The following SCRG1 variants were observed in gnomAD, a reference collection of about 807,000 sequenced individuals.
The protein encoded by SCRG1 is scrapie-responsive protein 1.
In SCRG1, 3 loss-of-function variants were observed where a neutral mutation model predicts 7.7. That is an observed-to-expected ratio of 0.39 (90% CI 0.18 to 1.01). SCRG1 has a LOEUF of 1.01. SCRG1 is among the 50% of genes least tolerant of loss of function. The pLI is 0.36. For missense variants in SCRG1, 110 were observed against 117.2 expected (o/e 0.94, Z 0.28); for synonymous variants, 46 against 41.2 (o/e 1.12, Z -0.44).
chr4:173,453,450 T>A, the SCRG1 span, among the ~76,000 whole-genome samples: 1 of 152,174 alleles, frequency 6.6e-6, no homozygotes, highest in East Asian at 1.9e-4. Flanking sequence ...GCGAACATCA[T>A]AGAATGTACT....
chr4:173,494,733 G>T, the SCRG1 span, among the ~76,000 whole-genome samples: 2 of 152,248 alleles, frequency 1.3e-5, no homozygotes, highest in African/African-American at 4.8e-5. Flanking sequence ...GCGAAGAGAC[G>T]CAATTACCCT....
chr4:173,404,809 AT>A (rs1201132914), intron 1 of SCRG1, among the ~76,000 whole-genome samples: 1 of 152,102 alleles, frequency 6.6e-6, no homozygotes, highest in East Asian at 1.9e-4. Flanking sequence ...GGTTTAATTG[AT>A]TGTTTTTATT....
At chr4:173,402,183 C>G (rs369150197), upstream of SCRG1, among the ~76,000 whole-genome samples, 6 of 152,162 alleles carry the variant, frequency 3.9e-5, no homozygotes, top group East Asian at 9.7e-4. Flanking sequence ...GTAAAACCAT[C>G]CAAATGTAAT....
the SCRG1 span, among the ~76,000 whole-genome samples, chr4:173,457,219 A>G: frequency 1.3e-5 from 2 of 152,230 alleles, no homozygotes; most frequent in Non-Finnish European, 1.5e-5. Flanking sequence ...AAGCACGGTC[A>G]TGCCCTGCAC....
the SCRG1 span, among the ~76,000 whole-genome samples, chr4:173,517,480 A>G: frequency 6.7e-6 from 1 of 148,938 alleles, no homozygotes; most frequent in South Asian, 2.1e-4. Context: ...AGTAACTGCT[A>G]TTTTTTTTTT....
rs1433767379 is a variant in SCRG1 at position 173,405,162 on chromosome 4, C to CT, written c.-747-731dup. On this transcript the variant is annotated intron_variant and NMD_transcript_variant, in intron 1 of 8. Transcript: ENST00000512188. ...TCTTCAGGCTCCTCAGTGTCTCCGACTTTGCCTGTTTTTGATGACTTTGAC... is the reference window on the plus strand; with the variant it reads ...TCTTCAGGCTCCTCAGTGTCTCCGACTTTTGCCTGTTTTTGATGACTTTGAC... 2.0e-5 allele frequency among the ~76,000 whole-genome samples: 3 copies of CT among 152,192 alleles called. No homozygotes were observed. In the East Asian group the frequency reaches 5.8e-4, roughly 29 times the overall value.
the SCRG1 span, among the ~76,000 whole-genome samples, chr4:173,417,926 G>A: frequency 6.6e-6 from 1 of 152,162 alleles, no homozygotes; most frequent in South Asian, 2.1e-4. Flanking sequence ...TCAGTGGTCA[G>A]TGTGGATTGC....
upstream of SCRG1, among the ~76,000 whole-genome samples, chr4:173,410,623 G>C (rs1035442915): frequency 6.6e-6 from 1 of 152,176 alleles, no homozygotes; most frequent in African/African-American, 2.4e-5. Flanking sequence ...AGGAATGGAG[G>C]CTTAAGCAAG....
the SCRG1 span, among the ~76,000 whole-genome samples, chr4:173,516,904 G>A: frequency 6.6e-6 from 1 of 152,222 alleles, no homozygotes; most frequent in South Asian, 2.1e-4. Context: ...AACGTGAAGG[G>A]GGCCGAGAGA....
the SCRG1 span, among the ~76,000 whole-genome samples, chr4:173,483,759 TC>T: frequency 5.2e-5 from 3 of 57,592 alleles, 1 homozygote; most frequent in African/African-American, 1.4e-4. Context: ...ATGTGATATA[TC>T]ATATATATGA....
the SCRG1 span, among the ~76,000 whole-genome samples, chr4:173,518,028 C>T: frequency 1.3e-5 from 2 of 152,234 alleles, no homozygotes; most frequent in Admixed American, 6.5e-5. Flanking sequence ...GCCCTCACCC[C>T]GAAGGGCTGT....
Position 173,388,140 on chromosome 4 carries a change from C to A in SCRG1, c.*201G>T. The A allele has an allele frequency of 2.2e-6, 1 of 453,634 alleles. No individual in the cohort carries two copies. Among genetic ancestry groups the A allele is most frequent in the East Asian group, 3.5e-5 (1 of 28,692 alleles). 28.1% of individuals were successfully genotyped at this position (453,634 alleles called of 1,614,324 possible). A position where few individuals can be genotyped will look rare whatever the true frequency, so the allele number is the denominator to read the frequency against. On this transcript the variant is annotated 3_prime_UTR_variant, in exon 3 of 3. Transcript: ENST00000296506. ...TCTAGGCAAAATTTTTAACCAATGC[C>A]AACAATGTCCACAGAGAAAAATTAG...
At chr4:173,422,994 C>G in the SCRG1 span, among the ~76,000 whole-genome samples, 1 of 152,054 alleles carries the variant, frequency 6.6e-6, no homozygotes, top group South Asian at 2.1e-4. Flanking sequence ...TATGTTTTCT[C>G]TTTGGATGGG....
chr4:173,500,558 C>T, the SCRG1 span, among the ~76,000 whole-genome samples: 3 of 152,152 alleles, frequency 2.0e-5, no homozygotes, highest in East Asian at 5.8e-4. Context: ...AGGCTCGCTG[C>T]GCTGTCGACT....
intron 2 of SCRG1, among the ~76,000 whole-genome samples, chr4:173,389,417 TCC>T (rs1739352879): frequency 6.6e-6 from 1 of 152,120 alleles, no homozygotes; most frequent in African/African-American, 2.4e-5. Flanking sequence ...GCGCCTGTAG[TCC>T]CAGCTACTCG....
chr4:173,385,608 T>G lies in SCRG1; in HGVS notation c.*2733A>C, dbSNP rs960812374. On this transcript the variant is annotated 3_prime_UTR_variant, in exon 3 of 3. Coordinates refer to ENST00000296506, the MANE Select transcript of SCRG1 (RefSeq NM_007281.4). ...AAGGCTGTGTACTTGTATAATGCAT[T>G]CATTTCTAAAAGAAATAACTGAATT... 1.3e-5 allele frequency: 2 copies of G among 152,204 alleles called. No individual in the cohort carries two copies. The highest frequency in any genetic ancestry group is 2.9e-5 in the Non-Finnish European group (2 of 68,024). 9.4% of individuals were successfully genotyped at this position (152,204 alleles called of 1,614,324 possible).
the SCRG1 span, among the ~76,000 whole-genome samples, chr4:173,488,410 A>C: frequency 6.6e-6 from 1 of 152,298 alleles, no homozygotes; most frequent in Admixed American, 6.5e-5. Context: ...TCAGCCTCTT[A>C]TGAATTACAG....
At position 173,388,075 on chromosome 4, in the gene SCRG1, T is replaced by G. The variant is rs373424042; in HGVS notation, c.*266A>C. 2 of 342,768 alleles carry G rather than the reference T, an allele frequency of 5.8e-6. No homozygotes were observed. The highest frequency in any genetic ancestry group is 1.2e-4 in the South Asian group (1 of 8,568). 21.2% of individuals were successfully genotyped at this position (342,768 alleles called of 1,614,324 possible). On this transcript the variant is annotated 3_prime_UTR_variant, in exon 3 of 3. Coordinates refer to ENST00000296506, the MANE Select transcript of SCRG1 (RefSeq NM_007281.4). ...TGGCTCTTCATCTGGGGGACAGAAC[T>G]CTTTAACTGAGTATAATGAACACCT... is the stretch of plus-strand genomic sequence containing the variant.
At chr4:173,434,135 G>A in the SCRG1 span, among the ~76,000 whole-genome samples, 1 of 152,282 alleles carries the variant, frequency 6.6e-6, no homozygotes, top group South Asian at 2.1e-4. Flanking sequence ...GCCAGGGTGG[G>A]AAGGTGGGTA....
Sources: gnomAD v4.1 joint callset for allele counts (sites outside exome capture counted in the v4.1 genomes callset) on GRCh38, gnomAD v4.1.1 for gene constraint, MANE v1.5 for transcripts, NCBI Gene and HGNC (gene_info 2026-07-23, HGNC 2026-07-21) for gene names.